Variants in CNTN5 observed in about 807,000 individuals in gnomAD.
CNTN5 encodes the protein contactin-5.
Under a neutral mutation model 129.1 loss-of-function variants are expected in CNTN5, and 77 were observed. That is an observed-to-expected ratio of 0.60 (90% CI 0.50 to 0.72). The LOEUF (loss-of-function observed/expected upper bound fraction) is 0.72, where lower values mean the gene tolerates loss of function less well. CNTN5 is among the 30% of genes least tolerant of loss of function. The pLI is 0.00. For synonymous variants in CNTN5, 509 were observed against 465.6 expected (o/e 1.09, Z -1.20); for missense variants, 1,478 against 1,328.8 (o/e 1.11, Z -1.75).
chr11:99,734,920 A>G (rs1242768288), intron 3 of CNTN5, among the ~76,000 whole-genome samples: 1 of 152,214 alleles, frequency 6.6e-6, no homozygotes, highest in East Asian at 1.9e-4. Flanking sequence ...AGGCAAGAGA[A>G]TGGCGTGAAG....
chr11:99,359,680 C>T (rs983267493), intron 2 of CNTN5, among the ~76,000 whole-genome samples: 1 of 151,676 alleles, frequency 6.6e-6, no homozygotes, highest in African/African-American at 2.4e-5. Context: ...AGTCCAAATT[C>T]TCATCTGAAT....
intron 9 of CNTN5, among the ~76,000 whole-genome samples, chr11:100,038,885 T>A (rs529864754): frequency 2.0e-5 from 3 of 152,332 alleles, no homozygotes; most frequent in African/African-American, 7.2e-5. Flanking sequence ...GTGGGTTTCC[T>A]GAATACAGCA....
intron 3 of CNTN5, among the ~76,000 whole-genome samples, chr11:99,784,026 A>C (rs2135401203): frequency 6.6e-6 from 1 of 152,282 alleles, no homozygotes; most frequent in South Asian, 2.1e-4. Flanking sequence ...CTACTTTAAA[A>C]GCTGTGTGCC....
At chr11:99,349,031 C>T (rs1938105386) in intron 2 of CNTN5, among the ~76,000 whole-genome samples, 1 of 152,116 alleles carries the variant, frequency 6.6e-6, no homozygotes, top group African/African-American at 2.4e-5. Flanking sequence ...AACCAACACA[C>T]AAAATGAGTA....
chr11:99,532,793 A>G (rs1947762138), intron 2 of CNTN5, among the ~76,000 whole-genome samples: 1 of 152,150 alleles, frequency 6.6e-6, no homozygotes, highest in African/African-American at 2.4e-5. Flanking sequence ...GTGGAACTGT[A>G]AGTCATATAA....
intron 6 of CNTN5, among the ~76,000 whole-genome samples, chr11:99,861,492 C>G (rs543308802): frequency 2.0e-5 from 3 of 152,256 alleles, no homozygotes; most frequent in Admixed American, 2.0e-4. Context: ...GCATGACTTT[C>G]ATTTGAATTT....
chr11:99,592,525 A>T (rs1281832452), intron 3 of CNTN5, among the ~76,000 whole-genome samples: 1 of 152,212 alleles, frequency 6.6e-6, no homozygotes, highest in Non-Finnish European at 1.5e-5. Context: ...TAACATGGGA[A>T]GACGCCAAGC....
intron 2 of CNTN5, among the ~76,000 whole-genome samples, chr11:99,347,922 TG>T (rs1394898665): frequency 6.6e-6 from 1 of 152,202 alleles, no homozygotes; most frequent in East Asian, 1.9e-4. Flanking sequence ...GTGTAAAGTT[TG>T]TTGTAGGCAA....
chr11:100,243,045 T>A (rs1949774491), intron 16 of CNTN5, among the ~76,000 whole-genome samples: 1 of 152,200 alleles, frequency 6.6e-6, no homozygotes, highest in Non-Finnish European at 1.5e-5. Context: ...CTTTGAAGCT[T>A]GGCACTTCCA....
intron 8 of CNTN5, among the ~76,000 whole-genome samples, chr11:99,994,903 C>T (rs1021172842): frequency 6.6e-6 from 1 of 152,186 alleles, no homozygotes; most frequent in Non-Finnish European, 1.5e-5. Context: ...GGGAAAAATG[C>T]TGACATGAAG....
chr11:99,254,454 T>C (rs1458646515), intron 1 of CNTN5, among the ~76,000 whole-genome samples: 1 of 151,968 alleles, frequency 6.6e-6, no homozygotes, highest in Non-Finnish European at 1.5e-5. Flanking sequence ...ATTTGGAAAA[T>C]TAAATCATGA....
At chr11:99,211,285 AG>A (rs1214329655) in intron 1 of CNTN5, among the ~76,000 whole-genome samples, 2 of 152,122 alleles carry the variant, frequency 1.3e-5, no homozygotes, top group African/African-American at 4.8e-5. Context: ...CTGCTGTGAA[AG>A]GACGCAAAGA....
At chr11:99,098,377 C>T (rs1261894861) in intron 1 of CNTN5, among the ~76,000 whole-genome samples, 2 of 152,036 alleles carry the variant, frequency 1.3e-5, no homozygotes, top group East Asian at 3.9e-4. Flanking sequence ...CAGAGCAGTA[C>T]AGGTTGGAAG....
At chr11:99,516,539 A>G (rs1217239357) in intron 2 of CNTN5, among the ~76,000 whole-genome samples, 1 of 152,112 alleles carries the variant, frequency 6.6e-6, no homozygotes. Context: ...ACACATCCAC[A>G]CACATACATG....
chr11:99,487,499 A>G (rs970932187), intron 2 of CNTN5, among the ~76,000 whole-genome samples: 2 of 152,182 alleles, frequency 1.3e-5, no homozygotes, highest in Admixed American at 6.5e-5. Flanking sequence ...GCAAATATTC[A>G]CTTATAACCT....
chr11:99,073,455 C>T (rs1038671359), intron 1 of CNTN5, among the ~76,000 whole-genome samples: 11 of 142,044 alleles, frequency 7.7e-5, no homozygotes, highest in Admixed American at 3.0e-4. Flanking sequence ...TAGGTATACA[C>T]GTGTCATGGT....
chr11:100,173,030 A>G (rs569740635), intron 13 of CNTN5, among the ~76,000 whole-genome samples: 2 of 152,168 alleles, frequency 1.3e-5, no homozygotes, highest in East Asian at 3.9e-4. Flanking sequence ...AGGTCAGATA[A>G]AGCAGTAATA....
rs554995088 is a variant in CNTN5, at chr11:100,293,366, A to C, written c.2315-4259A>C. Among the ~76,000 whole-genome samples, 53 of 151,926 alleles carry C rather than the reference A, an allele frequency of 3.5e-4. No individual in the cohort carries two copies. The South Asian group carries it at 7.9e-3, about 23-fold the overall frequency. On this transcript the variant is annotated intron_variant, in intron 18 of 24. Coordinates refer to ENST00000524871, the MANE Select transcript of CNTN5 (RefSeq NM_014361.4). The stretch of plus-strand genomic sequence containing the variant: ...AAATAGGTATTTTGCCTAGATTTCC[A>C]GATTGAAACAAACTATGGCAAAACT...
At chr11:100,047,277 G>T (rs1356073802) in intron 9 of CNTN5, among the ~76,000 whole-genome samples, 4 of 151,962 alleles carry the variant, frequency 2.6e-5, no homozygotes, top group African/African-American at 9.7e-5. Context: ...TCACTCAGTA[G>T]AGAGTGAAAA....
Sources: allele counts gnomAD v4.1 joint callset (sites outside exome capture counted in the v4.1 genomes callset), GRCh38; gene constraint gnomAD v4.1.1; transcripts MANE v1.5; gene names NCBI Gene and HGNC (gene_info 2026-07-23, HGNC 2026-07-21).